The following ERC2 variants were observed in gnomAD, a reference collection of about 807,000 sequenced individuals.
The protein encoded by ERC2 is ERC protein 2.
In ERC2, 42 loss-of-function variants were observed where a neutral mutation model predicts 114.8. The ratio of observed to expected loss-of-function variants is 0.37; its 90% CI spans 0.29 to 0.47. The LOEUF (loss-of-function observed/expected upper bound fraction) is 0.47. Among genes scored for constraint, ERC2 ranks in the 20% least tolerant of loss-of-function variants. The pLI, the probability that ERC2 is intolerant of heterozygous loss-of-function variation, is 0.99. For synonymous variants in ERC2, 454 were observed against 425.5 expected, an observed-to-expected ratio of 1.07 and a Z score of -0.82; for missense variants, 939 against 1,150.7, an observed-to-expected ratio of 0.82 and a Z score of 2.66.
chr3:56,255,408 G>C (rs577020767), intron 3 of ERC2, among the ~76,000 whole-genome samples: 2 of 152,144 alleles, frequency 1.3e-5, no homozygotes, highest in Non-Finnish European at 2.9e-5. Flanking sequence ...TCAAGACCCC[G>C]CAGCTGCTTT....
chr3:56,411,472 A>G (rs369428047), intron 2 of ERC2, among the ~76,000 whole-genome samples: 1 of 152,064 alleles, frequency 6.6e-6, no homozygotes, highest in Admixed American at 6.6e-5. Context: ...ACCCTAATTT[A>G]AAATATGGTG....
At chr3:56,083,092 G>C (rs2077321837) in intron 6 of ERC2, among the ~76,000 whole-genome samples, 1 of 152,152 alleles carries the variant, frequency 6.6e-6, no homozygotes, top group South Asian at 2.1e-4. Context: ...TCCACAAAAT[G>C]ATTTTCATAG....
intron 17 of ERC2, among the ~76,000 whole-genome samples, chr3:55,624,399 G>A (rs1426408787): frequency 2.0e-5 from 3 of 152,176 alleles, no homozygotes; most frequent in African/African-American, 7.2e-5. Flanking sequence ...CACAGAGAAC[G>A]TGGTGTTTCA....
intron 8 of ERC2, among the ~76,000 whole-genome samples, chr3:56,014,293 C>T (rs116258500): frequency 0.01 from 1,529 of 152,268 alleles, 22 homozygotes; most frequent in African/African-American, 0.035. Flanking sequence ...AAAGCCACAT[C>T]CCTCATTTTT....
intron 2 of ERC2, among the ~76,000 whole-genome samples, chr3:56,393,199 A>T (rs2060190371): frequency 6.6e-6 from 1 of 152,184 alleles, no homozygotes; most frequent in African/African-American, 2.4e-5. Flanking sequence ...GGAGTTTGAG[A>T]CCTGCCTGGC....
chr3:56,444,206 C>A (rs947552900), intron 1 of ERC2, among the ~76,000 whole-genome samples: 1 of 151,248 alleles, frequency 6.6e-6, no homozygotes, highest in African/African-American at 2.4e-5. Context: ...CTCCTGACCT[C>A]GTGATCTGCT....
intron 2 of ERC2, 84 bp from the exon 3 acceptor site, chr3:56,296,519 A>C: frequency 7.2e-7 from 1 of 1,382,084 alleles, no homozygotes. Context: ...CTGCCACCAC[A>C]CTATGAAGAT....
chr3:55,895,389 C>T (rs1216947018), intron 13 of ERC2, among the ~76,000 whole-genome samples: 2 of 152,150 alleles, frequency 1.3e-5, no homozygotes, highest in African/African-American at 2.4e-5. Flanking sequence ...CCTACAGATC[C>T]TCCCCTTTAA....
intron 14 of ERC2, among the ~76,000 whole-genome samples, chr3:55,817,744 A>G (rs1294079072): frequency 6.6e-6 from 1 of 152,214 alleles, no homozygotes; most frequent in African/African-American, 2.4e-5. Flanking sequence ...CAGGTAGACC[A>G]TTTTATAGTA....
intron 3 of ERC2, among the ~76,000 whole-genome samples, chr3:56,249,927 G>A (rs1015485720): frequency 7.7e-5 from 10 of 130,686 alleles, no homozygotes; most frequent in East Asian, 6.9e-4. Context: ...GCACAATATC[G>A]GCTCACCACA....
intron 17 of ERC2, among the ~76,000 whole-genome samples, chr3:55,622,845 T>C (rs184802328): frequency 5.9e-5 from 9 of 152,060 alleles, no homozygotes; most frequent in African/African-American, 1.7e-4. Flanking sequence ...AGGGCTCCAG[T>C]TCCATCTGCC....
chr3:55,732,121 C>T (rs1054819756), intron 15 of ERC2, among the ~76,000 whole-genome samples: 8 of 151,956 alleles, frequency 5.3e-5, no homozygotes, highest in African/African-American at 1.9e-4. Flanking sequence ...AGTTATGCTC[C>T]CTAGAAAAGG....
intron 12 of ERC2, among the ~76,000 whole-genome samples, chr3:55,966,126 C>T (rs2068733626): frequency 6.6e-6 from 1 of 152,118 alleles, no homozygotes; most frequent in Admixed American, 6.6e-5. Flanking sequence ...AAAACAAAAA[C>T]AAAACCAACA....
intron 12 of ERC2, among the ~76,000 whole-genome samples, chr3:55,983,201 T>C (rs1233507517): frequency 6.6e-6 from 1 of 152,234 alleles, no homozygotes; most frequent in Non-Finnish European, 1.5e-5. Flanking sequence ...GGGAGAAGTC[T>C]ATGTCTTCTG....
intron 2 of ERC2, among the ~76,000 whole-genome samples, chr3:56,319,300 A>G (rs2057015702): frequency 6.6e-6 from 1 of 151,920 alleles, no homozygotes; most frequent in African/African-American, 2.4e-5. Flanking sequence ...ACAGAATATT[A>G]TTCAGCCTTA....
intron 13 of ERC2, among the ~76,000 whole-genome samples, chr3:55,890,801 C>A (rs915451732): frequency 6.6e-6 from 1 of 152,170 alleles, no homozygotes; most frequent in Admixed American, 6.5e-5. Flanking sequence ...AGTTCCCAGG[C>A]CAAGCTCCTC....
chr3:55,633,808 G>A (rs563746699), intron 17 of ERC2, among the ~76,000 whole-genome samples: 53 of 152,264 alleles, frequency 3.5e-4, no homozygotes, highest in African/African-American at 1.2e-3. Flanking sequence ...AACCTTAAAT[G>A]ATTTCATCCT....
chr3:56,000,383 GCT>G (rs2071940777), intron 10 of ERC2, among the ~76,000 whole-genome samples: 1 of 151,856 alleles, frequency 6.6e-6, no homozygotes, highest in South Asian at 2.1e-4. Flanking sequence ...AAAAATTTAG[GCT>G]AAATAAAACT....
chr3:56,399,084 C>G (rs1266807655), intron 2 of ERC2, among the ~76,000 whole-genome samples: 2 of 152,138 alleles, frequency 1.3e-5, no homozygotes, highest in Non-Finnish European at 2.9e-5. Flanking sequence ...ACTACAAATC[C>G]CCAGGCAAAC....
Sources: gnomAD v4.1 joint callset for allele counts (sites outside exome capture counted in the v4.1 genomes callset) on GRCh38, gnomAD v4.1.1 for gene constraint, MANE v1.5 for transcripts, NCBI Gene and HGNC (gene_info 2026-07-23, HGNC 2026-07-21) for gene names.